The following ITGBL1 variants were observed in gnomAD, a reference collection of about 807,000 sequenced individuals.
ITGBL1 encodes integrin subunit beta like 1, also known as integrin beta-like protein 1.
Under a neutral mutation model 68.5 loss-of-function variants are expected in ITGBL1, and 51 were observed. That is an observed-to-expected ratio of 0.74 (90% CI 0.59 to 0.94). ITGBL1 has a LOEUF of 0.94. Among genes scored for constraint, ITGBL1 ranks in the 40% least tolerant of loss-of-function variants. The probability of loss-of-function intolerance (pLI) is 0.00; values close to 1 mark genes in which losing one functional copy is unlikely to be tolerated. For synonymous variants in ITGBL1, 209 were observed against 227.3 expected (o/e 0.92, Z 0.72); for missense variants, 649 against 647.4 (o/e 1.00, Z -0.03).
chr13:101,553,222 T>A (rs190172607), intron 2 of ITGBL1, among the ~76,000 whole-genome samples: 1 of 152,180 alleles, frequency 6.6e-6, no homozygotes, highest in Admixed American at 6.5e-5. Context: ...TTTAGACACA[T>A]GTTAGCAAGG....
chr13:101,479,518 G>A (rs1046085514), intron 2 of ITGBL1, among the ~76,000 whole-genome samples: 3 of 151,796 alleles, frequency 2.0e-5, no homozygotes, highest in Non-Finnish European at 2.9e-5. Flanking sequence ...AAAGTGAAGA[G>A]ACAACCCACA....
At chr13:101,689,139 A>G (rs1428227078) in intron 7 of ITGBL1, among the ~76,000 whole-genome samples, 3 of 148,060 alleles carry the variant, frequency 2.0e-5, no homozygotes, top group Non-Finnish European at 4.5e-5. Context: ...CAGGAGACAG[A>G]GGTTGCAGTG....
chr13:101,540,706 C>G (rs879579303), intron 2 of ITGBL1, among the ~76,000 whole-genome samples: 28 of 152,052 alleles, frequency 1.8e-4, no homozygotes, highest in South Asian at 6.2e-4. Context: ...TTCTTCCATT[C>G]GTTTGTATGC....
intron 8 of ITGBL1, among the ~76,000 whole-genome samples, chr13:101,695,065 A>C (rs1419632431): frequency 6.6e-6 from 1 of 152,212 alleles, no homozygotes; most frequent in Non-Finnish European, 1.5e-5. Context: ...AGGAATGAAA[A>C]GGAGCTGAGT....
intron 1 of ITGBL1, among the ~76,000 whole-genome samples, chr13:101,453,264 A>G (rs2048189038): frequency 6.6e-6 from 1 of 152,204 alleles, no homozygotes; most frequent in African/African-American, 2.4e-5. Context: ...TCTGTTTCCC[A>G]AGGGCAGCAA....
chr13:101,609,960 A>C (rs2031046208), intron 7 of ITGBL1, among the ~76,000 whole-genome samples: 1 of 152,154 alleles, frequency 6.6e-6, no homozygotes, highest in African/African-American at 2.4e-5. Context: ...TAAGTTGAAA[A>C]CCAGTGAAAT....
chr13:101,644,847 A>G (rs1372151821), intron 7 of ITGBL1, among the ~76,000 whole-genome samples: 1 of 152,196 alleles, frequency 6.6e-6, no homozygotes, highest in Non-Finnish European at 1.5e-5. Flanking sequence ...AGAATGTATA[A>G]GGCATGGATT....
At chr13:101,458,464 A>C (rs2048274340) in intron 2 of ITGBL1, among the ~76,000 whole-genome samples, 2 of 152,218 alleles carry the variant, frequency 1.3e-5, no homozygotes, top group Admixed American at 1.3e-4. Flanking sequence ...ACAGTTGATC[A>C]TATTGTAGAG....
At position 101,467,114 on chromosome 13, in the gene ITGBL1, G is replaced by A. The variant is rs147817948; in HGVS notation, c.316+13014G>A. Among the ~76,000 whole-genome samples the A allele has an allele frequency of 2.6e-3, 400 of 152,230 alleles. 2 individuals are homozygous for A. The highest frequency in any genetic ancestry group is 8.9e-3 in the African/African-American group (371 of 41,524). ...ATAAGGGCACTAATCCCACTAATGA[G>A]CCTGGAGTGCTCATGACCTAATCAC... On this transcript the variant is annotated intron_variant, in intron 2 of 10. Coordinates refer to ENST00000376180, the MANE Select transcript of ITGBL1 (RefSeq NM_004791.3).
intron 9 of ITGBL1, chr13:101,713,476 AG>A (rs1425627608): frequency 2.0e-5 from 3 of 152,208 alleles, no homozygotes; most frequent in Non-Finnish European, 4.4e-5. Context: ...AGTAAATGGA[AG>A]TCATGTTTGG....
chr13:101,629,620 A>G (rs2031907565), intron 7 of ITGBL1, among the ~76,000 whole-genome samples: 1 of 152,120 alleles, frequency 6.6e-6, no homozygotes, highest in African/African-American at 2.4e-5. Context: ...AATTATTAGT[A>G]TAAACTTTGC....
At chr13:101,577,811 G>T (rs770770579) in intron 4 of ITGBL1, among the ~76,000 whole-genome samples, 4 of 152,154 alleles carry the variant, frequency 2.6e-5, no homozygotes, top group Non-Finnish European at 5.9e-5. Flanking sequence ...GTGTGTGCAA[G>T]TAGACACCAT....
intron 2 of ITGBL1, among the ~76,000 whole-genome samples, chr13:101,473,101 A>G (rs1453622388): frequency 1.3e-5 from 2 of 152,208 alleles, no homozygotes; most frequent in African/African-American, 2.4e-5. Flanking sequence ...GGAACAAGAT[A>G]GCCAACTAGA....
At chr13:101,620,911 A>G (rs1237632863) in intron 7 of ITGBL1, among the ~76,000 whole-genome samples, 1 of 152,108 alleles carries the variant, frequency 6.6e-6, no homozygotes, top group African/African-American at 2.4e-5. Context: ...GAACAACTGC[A>G]CCTGGGGCTG....
intron 7 of ITGBL1, among the ~76,000 whole-genome samples, chr13:101,639,136 T>C (rs1203491818): frequency 6.6e-6 from 1 of 152,190 alleles, no homozygotes; most frequent in Non-Finnish European, 1.5e-5. Context: ...CAACCTTTCC[T>C]ACCTGAAGTC....
intron 2 of ITGBL1, among the ~76,000 whole-genome samples, chr13:101,550,354 A>G (rs1416147412): frequency 6.6e-6 from 1 of 152,184 alleles, no homozygotes; most frequent in Non-Finnish European, 1.5e-5. Context: ...CTTACTGCCC[A>G]CTGTGAAAGA....
At position 101,512,034 on chromosome 13, in the gene ITGBL1, T is replaced by G. The variant is rs750765471; in HGVS notation, c.317-55665T>G. Among the ~76,000 whole-genome samples, 91 of 152,302 alleles carry G rather than the reference T, an allele frequency of 6.0e-4. 1 individual carries two copies. The highest frequency in any genetic ancestry group is 2.4e-3 in the Admixed American group (36 of 15,284). ...TTAATTTGAATGTTGTCATTCTAAT[T>G]TGAAATAATACCCCTCTGACAAATA... On this transcript the variant is annotated intron_variant, in intron 2 of 10. Coordinates refer to ENST00000376180, the MANE Select transcript of ITGBL1 (RefSeq NM_004791.3).
At chr13:101,620,056 A>C (rs758850933) in intron 7 of ITGBL1, among the ~76,000 whole-genome samples, 40 of 152,206 alleles carry the variant, frequency 2.6e-4, no homozygotes, top group Non-Finnish European at 5.4e-4. Context: ...CATAATATGC[A>C]TTATATTCCG....
intron 7 of ITGBL1, among the ~76,000 whole-genome samples, chr13:101,604,887 T>TATATATATATATATATATATACAC: frequency 5.4e-4 from 12 of 22,162 alleles, no homozygotes; most frequent in Non-Finnish European, 9.0e-4. Flanking sequence ...TATATATATA[T>TATATATATATATATATATATACAC]ACACACACAC....
Sources: allele counts gnomAD v4.1 joint callset (sites outside exome capture counted in the v4.1 genomes callset), GRCh38; gene constraint gnomAD v4.1.1; transcripts MANE v1.5; gene names NCBI Gene and HGNC (gene_info 2026-07-23, HGNC 2026-07-21).